The following PITPNA variants were observed in gnomAD, a reference collection of about 807,000 sequenced individuals.
The protein encoded by PITPNA is phosphatidylinositol transfer protein alpha isoform.
Under a neutral mutation model 50.3 loss-of-function variants are expected in PITPNA, and 13 were observed. The observed-to-expected ratio is 0.26, with a 90% CI of 0.17 to 0.41. PITPNA has a LOEUF of 0.41. Ranked by LOEUF, PITPNA falls within the 10% of genes least tolerant of loss-of-function variation. The pLI is 1.00. For synonymous variants in PITPNA, 120 were observed against 119.6 expected (o/e 1.00, Z -0.02); for missense variants, 207 against 333.4 (o/e 0.62, Z 2.95).
At chr17:1,522,627 C>T (rs1185011369) in intron 10 of PITPNA, among the ~76,000 whole-genome samples, 1 of 152,168 alleles carries the variant, frequency 6.6e-6, no homozygotes, top group Admixed American at 6.5e-5. Flanking sequence ...CCTGCCTTGG[C>T]CTCCTGAAGT....
intron 6 of PITPNA, among the ~76,000 whole-genome samples, chr17:1,539,805 C>T (rs146407266): frequency 6.6e-6 from 1 of 152,250 alleles, no homozygotes. Flanking sequence ...GGCGCGATCT[C>T]GGCTCACTGC....
intron 7 of PITPNA, 80 bp downstream of exon 7, chr17:1,538,789 G>A: frequency 1.2e-6 from 1 of 806,540 alleles, no homozygotes; most frequent in Non-Finnish European, 2.1e-6. Context: ...GCCAAGTTGG[G>A]TATGGTTTCC....
chr17:1,549,311 A>G (rs370725251), intron 3 of PITPNA, among the ~76,000 whole-genome samples: 1 of 149,798 alleles, frequency 6.7e-6, no homozygotes, highest in African/African-American at 2.5e-5. Context: ...GAGTAGGAAA[A>G]CATTTAGAAT....
At chr17:1,527,244 G>A (rs2075553118) in intron 10 of PITPNA, among the ~76,000 whole-genome samples, 1 of 139,520 alleles carries the variant, frequency 7.2e-6, no homozygotes. Flanking sequence ...CTTCAATCCT[G>A]GTTGGTTGGT....
intron 4 of PITPNA, among the ~76,000 whole-genome samples, chr17:1,545,956 T>G (rs1375496567): frequency 6.7e-6 from 1 of 149,842 alleles, no homozygotes; most frequent in African/African-American, 2.5e-5. Context: ...AAACGGAGTT[T>G]TGCTCTTGTT....
intron 1 of PITPNA, among the ~76,000 whole-genome samples, chr17:1,559,982 C>T (rs959621090): frequency 6.6e-6 from 1 of 152,182 alleles, no homozygotes; most frequent in Non-Finnish European, 1.5e-5. Flanking sequence ...GAAGAAACTT[C>T]CTAGAAAACA....
At chr17:1,539,425 G>A (rs2075636701) in intron 6 of PITPNA, among the ~76,000 whole-genome samples, 2 of 150,230 alleles carry the variant, frequency 1.3e-5, no homozygotes, top group Non-Finnish European at 3.0e-5. Flanking sequence ...GCCTCCTGAG[G>A]AGCTGGGCCC....
chr17:1,518,015 T>C lies in PITPNA; in HGVS notation c.*2546A>G, dbSNP rs2075476869. 6.6e-6 allele frequency: 1 copy of C among 152,480 alleles called. No homozygotes were observed. The highest frequency in any genetic ancestry group is 1.5e-5 in the Non-Finnish European group (1 of 68,028). 9.4% of individuals were successfully genotyped at this position (152,480 alleles called of 1,614,324 possible). On this transcript the variant is annotated 3_prime_UTR_variant, in exon 12 of 12. Transcript: ENST00000313486. ...TCTGTCTAGGATTTTATTAGACTGC[T>C]TTTTTTCTCAATATACCTGTATTGG...
At chr17:1,549,999 T>A (rs1309456809) in intron 3 of PITPNA, among the ~76,000 whole-genome samples, 1 of 152,204 alleles carries the variant, frequency 6.6e-6, no homozygotes, top group Non-Finnish European at 1.5e-5. Flanking sequence ...ACAGATAATC[T>A]GTCCAGTCTT....
intron 10 of PITPNA, among the ~76,000 whole-genome samples, chr17:1,524,698 T>A (rs1421428844): frequency 6.6e-6 from 1 of 151,730 alleles, no homozygotes; most frequent in Non-Finnish European, 1.5e-5. Flanking sequence ...ATACAAAAAA[T>A]ATTATCTGGG....
Position 1,518,951 on chromosome 17 carries a change from GTGTC to G in PITPNA, c.*1606_*1609del, listed in dbSNP as rs2075491513. On this transcript the variant is annotated 3_prime_UTR_variant, in exon 12 of 12. Coordinates refer to ENST00000313486, the MANE Select transcript of PITPNA (RefSeq NM_006224.4). ...GGTGAGGAGACTTACACAGAGGAAG[GTGTC>G]TGTAACAAGACATCTGGTTCCAAAG... 6.6e-6 allele frequency: 1 copy of G among 152,186 alleles called. No homozygotes were observed. Among genetic ancestry groups the G allele is most frequent in the South Asian group, 2.1e-4 (1 of 4,826 alleles). 9.4% of individuals were successfully genotyped at this position (152,186 alleles called of 1,614,324 possible).
chr17:1,560,980 A>G (rs2075765111), intron 1 of PITPNA, among the ~76,000 whole-genome samples: 1 of 152,170 alleles, frequency 6.6e-6, no homozygotes, highest in Admixed American at 6.5e-5. Context: ...GGATGGTCAA[A>G]GTGCGATCGC....
rs187133528 is a variant in PITPNA, at chr17:1,532,458, A to T, written c.768+1641T>A. 1.6e-3 allele frequency among the ~76,000 whole-genome samples: 247 copies of T among 152,312 alleles called. 2 individuals carry two copies. The highest frequency in any genetic ancestry group is 5.8e-3 in the African/African-American group (241 of 41,540). ...AACACTGAGGGCTCTCAAAGTTTGG[A>T]TCTGAACAAAGCAGATCCAGTAGAT... is the stretch of plus-strand genomic sequence containing the variant. On this transcript the variant is annotated intron_variant, in intron 10 of 11. Coordinates refer to ENST00000313486, the MANE Select transcript of PITPNA (RefSeq NM_006224.4).
intron 6 of PITPNA, among the ~76,000 whole-genome samples, chr17:1,539,251 C>A (rs2075635144): frequency 6.6e-6 from 1 of 152,072 alleles, no homozygotes; most frequent in Non-Finnish European, 1.5e-5. Context: ...TCCTAGTGAT[C>A]CTCCTGCCTC....
At chr17:1,540,888 C>T (rs575347303) in intron 6 of PITPNA, among the ~76,000 whole-genome samples, 35 of 152,146 alleles carry the variant, frequency 2.3e-4, no homozygotes, top group East Asian at 9.7e-4. Context: ...CCCGGTCTAA[C>T]GGGCTCTTAT....
intron 6 of PITPNA, among the ~76,000 whole-genome samples, chr17:1,540,381 A>T (rs2075642020): frequency 6.6e-6 from 1 of 152,122 alleles, no homozygotes; most frequent in South Asian, 2.1e-4. Context: ...AGCCACCTCT[A>T]AGAGATCCTA....
Position 1,553,160 on chromosome 17 carries a change from G to A in PITPNA, c.52-11C>T. On this transcript the variant is annotated splice_polypyrimidine_tract_variant and intron_variant, in intron 2 of 11. Coordinates refer to ENST00000313486, the MANE Select transcript of PITPNA (RefSeq NM_006224.4). ...CTGCCCCACTTGATACTAAAGGACAGAGACAGATGTTATTCTCAACACGGA... is the reference window on the plus strand; with the variant it reads ...CTGCCCCACTTGATACTAAAGGACAAAGACAGATGTTATTCTCAACACGGA... 6.2e-7 allele frequency: 1 copy of A among 1,613,824 alleles called. No homozygotes were observed.
chr17:1,543,687 T>C (rs2075659350), intron 4 of PITPNA, among the ~76,000 whole-genome samples: 1 of 152,120 alleles, frequency 6.6e-6, no homozygotes, highest in African/African-American at 2.4e-5. Flanking sequence ...GTAGAGTGTG[T>C]GGGGTAACAA....
chr17:1,535,538 T>TGGGGTTGGA lies in PITPNA; in HGVS notation c.457-29_457-21dup. ...GTAATCCTGAGAGAAATTGTGGAAT[T>TGGGGTTGGA]GGGGTTGGAGGGGAGTGGGAGAGGG... On this transcript the variant is annotated intron_variant, in intron 7 of 11. Coordinates refer to ENST00000313486, the MANE Select transcript of PITPNA (RefSeq NM_006224.4). The TGGGGTTGGA allele has an allele frequency of 1.9e-6, 3 of 1,569,072 alleles. No homozygotes were observed. In the South Asian group the frequency reaches 3.3e-5, roughly 17 times the overall value.
Sources: allele counts gnomAD v4.1 joint callset (sites outside exome capture counted in the v4.1 genomes callset), GRCh38; gene constraint gnomAD v4.1.1; transcripts MANE v1.5; gene names NCBI Gene and HGNC (gene_info 2026-07-23, HGNC 2026-07-21).